RELN: variants seen among roughly 807,000 people sequenced by gnomAD.
RELN encodes reelin.
Under a neutral mutation model 427.6 loss-of-function variants are expected in RELN, and 108 were observed. The ratio of observed to expected loss-of-function variants is 0.25; its 90% CI spans 0.22 to 0.30. RELN has a LOEUF of 0.30. RELN is among the 10% of genes least tolerant of loss of function. The probability of loss-of-function intolerance (pLI) is 1.00; values close to 1 mark genes in which losing one functional copy is unlikely to be tolerated. For synonymous variants in RELN, 1,524 were observed against 1,513.4 expected (o/e 1.01, Z -0.16); for missense variants, 3,715 against 4,302.8 (o/e 0.86, Z 3.82).
intron 11 of RELN, among the ~76,000 whole-genome samples, chr7:103,671,481 T>G (rs1833391682): frequency 6.6e-6 from 1 of 152,148 alleles, no homozygotes. Context: ...GACTAGAGAT[T>G]GTTTAGAGAA....
intron 24 of RELN, among the ~76,000 whole-genome samples, chr7:103,599,002 C>A (rs1044126119): frequency 9.9e-5 from 15 of 152,218 alleles, no homozygotes; most frequent in African/African-American, 2.9e-4. Context: ...TCCAATTTCC[C>A]CCCAAATTCT....
intron 41 of RELN, among the ~76,000 whole-genome samples, chr7:103,549,178 G>A (rs1355434485): frequency 4.0e-5 from 6 of 151,892 alleles, no homozygotes; most frequent in African/African-American, 7.3e-5. Context: ...ACCATAAATC[G>A]GGTGGCTTAT....
intron 1 of RELN, among the ~76,000 whole-genome samples, chr7:103,919,099 T>C (rs1226541546): frequency 6.6e-6 from 1 of 151,832 alleles, no homozygotes; most frequent in Non-Finnish European, 1.5e-5. Flanking sequence ...TAAGCAGATG[T>C]GATGCATAAT....
At chr7:103,655,732 C>T (rs1485529237) in intron 12 of RELN, among the ~76,000 whole-genome samples, 1 of 152,032 alleles carries the variant, frequency 6.6e-6, no homozygotes, top group Non-Finnish European at 1.5e-5. Context: ...ATAGGATGTC[C>T]ATACACTGGG....
intron 2 of RELN, among the ~76,000 whole-genome samples, chr7:103,895,803 C>T (rs186115646): frequency 8.6e-5 from 13 of 151,630 alleles, no homozygotes; most frequent in East Asian, 1.9e-4. Context: ...GCTTACTAGA[C>T]GGCATACAGA....
intron 3 of RELN, among the ~76,000 whole-genome samples, chr7:103,793,017 A>G (rs1792205672): frequency 1.3e-5 from 2 of 152,198 alleles, no homozygotes; most frequent in Admixed American, 1.3e-4. Context: ...TGGTCCTTCA[A>G]TGCTTCATTA....
At chr7:103,856,984 A>G (rs1793963100) in intron 2 of RELN, among the ~76,000 whole-genome samples, 1 of 152,208 alleles carries the variant, frequency 6.6e-6, no homozygotes, top group African/African-American at 2.4e-5. Context: ...TATAATGATC[A>G]TTAAATTTGT....
chr7:103,515,117 T>C, intron 50 of RELN, 68 bp downstream of exon 50: 1 of 1,608,092 alleles, frequency 6.2e-7, no homozygotes, highest in Non-Finnish European at 8.5e-7. Flanking sequence ...TTTGCTCTTT[T>C]GAAAAGACCC....
At chr7:103,646,606 T>C (rs1300033300) in intron 16 of RELN, among the ~76,000 whole-genome samples, 2 of 151,702 alleles carry the variant, frequency 1.3e-5, no homozygotes, top group African/African-American at 4.8e-5. Flanking sequence ...AAATAACAAG[T>C]AGTGACACTG....
rs1461914967 is a variant in RELN, at chr7:103,640,191, A to T, written c.2069+352T>A. 6.6e-6 allele frequency among the ~76,000 whole-genome samples: 1 copy of T among 152,150 alleles called. No homozygotes were observed. Among genetic ancestry groups the T allele is most frequent in the Non-Finnish European group, 1.5e-5 (1 of 68,014 alleles). On this transcript the variant is annotated intron_variant, in intron 17 of 64. Coordinates refer to ENST00000428762, the MANE Select transcript of RELN (RefSeq NM_005045.4). The surrounding 1 kb of genome is among the most constrained non-coding windows in gnomAD (Gnocchi z 4.1). ...TGGGTCATTACTGATTTTTACAATC[A>T]TTTACAAAGCATGCTAGGAATTACA...
chr7:103,731,420 C>T (rs1459661560), intron 6 of RELN, among the ~76,000 whole-genome samples: 1 of 152,082 alleles, frequency 6.6e-6, no homozygotes, highest in Non-Finnish European at 1.5e-5. Flanking sequence ...TGCTGTTTAC[C>T]ATGTGATAGG....
At chr7:103,477,000 T>C (rs1828059394) in intron 64 of RELN, among the ~76,000 whole-genome samples, 1 of 152,186 alleles carries the variant, frequency 6.6e-6, no homozygotes, top group Admixed American at 6.5e-5. Context: ...ACTTGACATA[T>C]CAATTTGCTT....
intron 37 of RELN, among the ~76,000 whole-genome samples, chr7:103,557,528 T>C (rs1830552044): frequency 6.6e-6 from 1 of 152,228 alleles, no homozygotes. Context: ...TGAATATGTA[T>C]TATATCTACA....
rs1272769472 is a variant in RELN at position 103,642,044 on chromosome 7, T to C, written c.2003-1435A>G. Reference sequence around the variant, plus strand: ...CTAATTATGAAGCCATTAGGACTCATAACAGGCTTCTTTTTTCCTAAGAGT... The same window carrying C: ...CTAATTATGAAGCCATTAGGACTCACAACAGGCTTCTTTTTTCCTAAGAGT... On this transcript the variant is annotated intron_variant, in intron 16 of 64. Transcript: ENST00000428762. Among the ~76,000 whole-genome samples, 3 of 152,186 alleles carry C rather than the reference T, an allele frequency of 2.0e-5. No homozygotes were observed. In the East Asian group the frequency reaches 5.8e-4, roughly 29 times the overall value.
At position 103,833,590 on chromosome 7, in the gene RELN, G is replaced by T; in HGVS notation, c.420C>A (p.Asn140Lys). The T allele has an allele frequency of 6.2e-7, 1 of 1,613,974 alleles. No individual in the cohort carries two copies. The highest frequency in any genetic ancestry group is 8.5e-7 in the Non-Finnish European group (1 of 1,179,886). Residue 140 changes from asparagine to lysine, a missense_variant, in exon 3 of 65, where the codon AAC becomes AAA. Coordinates refer to ENST00000428762, the MANE Select transcript of RELN (RefSeq NM_005045.4). ...GTGGAGCAATCCAGATGAAACTGAGGTTGGTTGTGGGCAGGTGACTCACGT... is the reference window on the plus strand; with the variant it reads ...GTGGAGCAATCCAGATGAAACTGAGTTTGGTTGTGGGCAGGTGACTCACGT... Reference protein sequence around the residue: ...ASHVSHLPTTNLSFIWIAPPA... With the variant: ...ASHVSHLPTTKLSFIWIAPPA...
intron 4 of RELN, among the ~76,000 whole-genome samples, chr7:103,754,463 C>T (rs896724354): frequency 1.3e-5 from 2 of 151,786 alleles, no homozygotes; most frequent in Non-Finnish European, 2.9e-5. Context: ...GACCGAGTCA[C>T]TCAGAGAGAA....
chr7:103,852,753 A>G (rs1793855546), intron 2 of RELN, among the ~76,000 whole-genome samples: 1 of 152,050 alleles, frequency 6.6e-6, no homozygotes. Context: ...CCAAAAAATT[A>G]GAGTTCAAAT....
chr7:103,648,545 T>C (rs1172267988), intron 16 of RELN, among the ~76,000 whole-genome samples: 2 of 152,014 alleles, frequency 1.3e-5, no homozygotes, highest in Non-Finnish European at 2.9e-5. Flanking sequence ...TAATGACTAA[T>C]AGCTCAAAAG....
chr7:103,551,938 GGTGTGT>G (rs34506983), intron 40 of RELN, among the ~76,000 whole-genome samples: 2 of 144,746 alleles, frequency 1.4e-5, no homozygotes, highest in Non-Finnish European at 3.1e-5. Flanking sequence ...TGTGTGTGTG[GGTGTGT>G]GTGTGTGTGT....
Sources: allele counts gnomAD v4.1 joint callset (sites outside exome capture counted in the v4.1 genomes callset), GRCh38; gene constraint gnomAD v4.1.1; non-coding constraint Gnocchi (gnomAD v3.1); transcripts MANE v1.5; gene names NCBI Gene and HGNC (gene_info 2026-07-23, HGNC 2026-07-21).